Variants in MAEL observed in about 807,000 individuals in gnomAD.
MAEL encodes the protein protein maelstrom homolog.
Under a neutral mutation model 62.0 loss-of-function variants are expected in MAEL, and 46 were observed. That is an observed-to-expected ratio of 0.74 (90% CI 0.59 to 0.95). The LOEUF (loss-of-function observed/expected upper bound fraction) is 0.95. Ranked by LOEUF, MAEL falls within the 40% of genes least tolerant of loss-of-function variation. The probability of loss-of-function intolerance (pLI) is 0.00; values close to 1 mark genes in which losing one functional copy is unlikely to be tolerated. For missense variants in MAEL, 497 were observed against 526.8 expected, an observed-to-expected ratio of 0.94 and a Z score of 0.55; for synonymous variants, 172 against 175.5, an observed-to-expected ratio of 0.98 and a Z score of 0.16.
Position 167,005,079 on chromosome 1 carries a change from G to C in MAEL, c.652G>C (p.Asp218His), listed in dbSNP as rs1394363647. 6.2e-7 allele frequency: 1 copy of C among 1,613,262 alleles called. No individual in the cohort carries two copies. The highest frequency in any genetic ancestry group is 8.5e-7 in the Non-Finnish European group (1 of 1,179,628). The change falls in exon 7 of 12, where the codon GAT (aspartate) becomes CAT (histidine). Residue 218 changes from aspartate (D) to histidine (H), a missense_variant. Transcript: ENST00000367872. ...TTTTGTTTTTTGCTTTCTCCAGTCT[G>C]ATGATAGAACCAGAGTCAACTGGTG... Reference protein sequence around the residue: ...GNWPPIYCKSDDRTRVNWCLK... With the variant: ...GNWPPIYCKSHDRTRVNWCLK...
At chr1:166,981,117 G>T (rs1046010998) in intron 1 of MAEL, among the ~76,000 whole-genome samples, 1 of 152,214 alleles carries the variant, frequency 6.6e-6, no homozygotes, top group Non-Finnish European at 1.5e-5. Context: ...GAAGTGGCAT[G>T]TGGGCTTTAA....
intron 4 of MAEL, among the ~76,000 whole-genome samples, chr1:166,993,691 C>T (rs531771549): frequency 7.2e-5 from 11 of 152,262 alleles, no homozygotes; most frequent in Middle Eastern, 3.4e-3. Context: ...CTCTGAGAAA[C>T]GCATATACAC....
chr1:167,018,099 G>A, intron 10 of MAEL, 140 bp downstream of exon 10: 1 of 687,806 alleles, frequency 1.5e-6, no homozygotes, highest in Non-Finnish European at 2.2e-6. Context: ...TTCATGGAAT[G>A]TCAAACAGTT....
chr1:167,004,710 T>C (rs1664818294), intron 6 of MAEL, among the ~76,000 whole-genome samples: 2 of 152,220 alleles, frequency 1.3e-5, no homozygotes, highest in African/African-American at 4.8e-5. Context: ...AGAGATTATA[T>C]TCTTCCAGGC....
In MAEL at chr1:166,982,628, G is replaced by A. The variant is rs761383751; in HGVS notation, c.-120-6773G>A. ...TGCTCTTCAGTGGTTTGCATAACAC[G>A]TACCTGGTTGAAAATCACACCTTAT... On this transcript the variant is annotated intron_variant, in intron 1 of 12. Transcript: ENST00000622874. Among the ~76,000 whole-genome samples the A allele has an allele frequency of 5.9e-5, 9 of 151,914 alleles. No individual in the cohort carries two copies. In the East Asian group the frequency reaches 1.2e-3, roughly 20 times the overall value.
At chr1:166,992,238 A>G (rs1557973331) in intron 3 of MAEL, among the ~76,000 whole-genome samples, 2 of 152,174 alleles carry the variant, frequency 1.3e-5, no homozygotes, top group Non-Finnish European at 2.9e-5. Context: ...TAGAGGATTT[A>G]TAGGTGGTTT....
chr1:166,978,722 T>G (rs76054529), intron 1 of MAEL, among the ~76,000 whole-genome samples: 1,573 of 152,334 alleles, frequency 0.01, 31 homozygotes, highest in African/African-American at 0.035. Context: ...AGCTGATGTT[T>G]TCTAATGAGC....
Position 166,989,496 on chromosome 1 carries a change from G to A in MAEL, c.132+12G>A. On this transcript the variant is annotated intron_variant, in intron 1 of 11. Coordinates refer to ENST00000367872, the MANE Select transcript of MAEL (RefSeq NM_032858.3). ...CCTCAGACTGGGCGGTAAGGCTGGAGCGGAGTGAGAGGGCTGGGCAGGGCA... is the reference window on the plus strand; with the variant it reads ...CCTCAGACTGGGCGGTAAGGCTGGAACGGAGTGAGAGGGCTGGGCAGGGCA... 6.3e-7 allele frequency: 1 copy of A among 1,580,786 alleles called. No homozygotes were observed. Among genetic ancestry groups the A allele is most frequent in the South Asian group, 1.2e-5 (1 of 86,386 alleles).
chr1:166,984,746 C>A (rs1219598423), upstream of MAEL, among the ~76,000 whole-genome samples: 1 of 152,026 alleles, frequency 6.6e-6, no homozygotes, highest in African/African-American at 2.4e-5. Flanking sequence ...GAAGAGACAC[C>A]CAATTCTTTA....
chr1:166,977,840 A>C (rs1221075511), intron 1 of MAEL, among the ~76,000 whole-genome samples: 1 of 152,052 alleles, frequency 6.6e-6, no homozygotes, highest in East Asian at 1.9e-4. Flanking sequence ...AGTCCCAGCT[A>C]CTCTGGAGGC....
intron 8 of MAEL, among the ~76,000 whole-genome samples, chr1:167,006,399 T>TC (rs1001184497): frequency 5.3e-4 from 81 of 151,966 alleles, no homozygotes; most frequent in Middle Eastern, 6.8e-3. Context: ...TTTTAGTTGA[T>TC]CTGTATTTCC....
At chr1:166,983,129 G>GT (rs1663808657) in intron 1 of MAEL, among the ~76,000 whole-genome samples, 1 of 151,956 alleles carries the variant, frequency 6.6e-6, no homozygotes. Flanking sequence ...TATTACCTGG[G>GT]TTTTTTTCCA....
Position 167,016,091 on chromosome 1 carries a change from T to C in MAEL, c.846-131T>C, listed in dbSNP as rs1014399944. 22 of 766,214 alleles carry C rather than the reference T, an allele frequency of 2.9e-5. No homozygotes were observed. In the South Asian group the frequency reaches 3.1e-4, roughly 11 times the overall value. 47.5% of individuals were successfully genotyped at this position (766,214 alleles called of 1,614,324 possible). ...TTAAAATCTGTTTTTTAAAAATCTT[T>C]GTGTTAAATTTGAAGTTTTAGTCTT... is the stretch of plus-strand genomic sequence containing the variant. On this transcript the variant is annotated intron_variant, in intron 8 of 11. Transcript: ENST00000367872.
chr1:166,997,691 C>G (rs1664488125), intron 5 of MAEL, among the ~76,000 whole-genome samples: 2 of 152,176 alleles, frequency 1.3e-5, no homozygotes, highest in South Asian at 4.1e-4. Context: ...GAGGCATGCA[C>G]AACTGTGCCA....
chr1:166,990,867 G>T (rs1664142387), intron 2 of MAEL, among the ~76,000 whole-genome samples: 1 of 152,170 alleles, frequency 6.6e-6, no homozygotes, highest in South Asian at 2.1e-4. Flanking sequence ...TGAAATTCAA[G>T]AGATAGTTTT....
At chr1:167,002,168 G>A (rs900599222) in intron 5 of MAEL, among the ~76,000 whole-genome samples, 4 of 152,108 alleles carry the variant, frequency 2.6e-5, no homozygotes, top group South Asian at 4.1e-4. Flanking sequence ...ATAATATACC[G>A]AGTTTGGTTT....
intron 4 of MAEL, 117 bp downstream of exon 4, chr1:166,992,958 T>C (rs1365129252): frequency 7.0e-6 from 6 of 852,464 alleles, no homozygotes; most frequent in Non-Finnish European, 8.4e-6. Context: ...GTGTTCTTAA[T>C]GTAACAAGAC....
chr1:167,002,896 A>G (rs1036156911), intron 5 of MAEL, among the ~76,000 whole-genome samples: 3 of 152,306 alleles, frequency 2.0e-5, no homozygotes, highest in South Asian at 4.1e-4. Flanking sequence ...CTCCTCTTCC[A>G]GAATTGGTAA....
chr1:166,996,229 T>G (rs1331487292), intron 5 of MAEL, among the ~76,000 whole-genome samples: 1 of 152,212 alleles, frequency 6.6e-6, no homozygotes, highest in Non-Finnish European at 1.5e-5. Context: ...TGGAACAAAT[T>G]TACATGTGGA....
Sources: gnomAD v4.1 joint callset for allele counts (sites outside exome capture counted in the v4.1 genomes callset) on GRCh38, gnomAD v4.1.1 for gene constraint, MANE v1.5 for transcripts, NCBI Gene and HGNC (gene_info 2026-07-23, HGNC 2026-07-21) for gene names.